DOT1L: variants seen among roughly 807,000 people sequenced by gnomAD.
DOT1L encodes DOT1 like histone lysine methyltransferase.
In DOT1L, 33 loss-of-function variants were observed where a neutral mutation model predicts 153.3. The ratio of observed to expected loss-of-function variants is 0.22; its 90% CI spans 0.16 to 0.29. The LOEUF (loss-of-function observed/expected upper bound fraction) is 0.29. Among genes scored for constraint, DOT1L ranks in the 10% least tolerant of loss-of-function variants. The pLI is 1.00. For missense variants in DOT1L, 1,847 were observed against 2,119.9 expected (o/e 0.87, Z 2.53); for synonymous variants, 1,135 against 965.1 (o/e 1.18, Z -3.26).
In DOT1L at chr19:2,216,434, G is replaced by A; in HGVS notation, c.2077G>A (p.Glu693Lys). ...LEPDASRLHLELDCTKFSLPH... is the reference protein window; with the variant it reads ...LEPDASRLHLKLDCTKFSLPH... ...GCCTGACGCCAGCCGGCTGCACCTGGAGCTGGACTGCACCAAGTTCTCGCT... is the reference window on the plus strand; with the variant it reads ...GCCTGACGCCAGCCGGCTGCACCTGAAGCTGGACTGCACCAAGTTCTCGCT... The change falls in exon 20 of 28, where the codon GAG becomes AAG. Residue 693 changes from glutamate to lysine, a missense_variant. Physicochemically the swap from Glu to Lys is moderately conservative, Grantham distance 56 (BLOSUM62 1). Transcript: ENST00000398665. The A allele has an allele frequency of 6.2e-7, 1 of 1,612,608 alleles. No individual in the cohort carries two copies. The highest frequency in any genetic ancestry group is 1.3e-5 in the African/African-American group (1 of 75,054).
chr19:2,206,501 T>C (rs1221754716), intron 9 of DOT1L, among the ~76,000 whole-genome samples: 1 of 129,254 alleles, frequency 7.7e-6, no homozygotes, highest in African/African-American at 3.0e-5. Flanking sequence ...GAGGTTGCAG[T>C]GAGCCGGGAG....
intron 10 of DOT1L, 55 bp downstream of exon 10, chr19:2,206,852 A>G: frequency 1.9e-6 from 3 of 1,542,792 alleles, no homozygotes; most frequent in Non-Finnish European, 2.7e-6. Context: ...ACCATCTGAC[A>G]CGCAGTATTC....
At position 2,230,316 on chromosome 19, in the gene DOT1L, G is replaced by A. The variant is rs777267164; in HGVS notation, c.*524G>A. 2.4e-6 allele frequency: 1 copy of A among 416,560 alleles called. No individual in the cohort carries two copies. The highest frequency in any genetic ancestry group is 4.2e-6 in the Non-Finnish European group (1 of 237,452). The allele number at this position is 416,560 out of a possible 1,614,324, so 25.8% of individuals were successfully genotyped here. On this transcript the variant is annotated 3_prime_UTR_variant, in exon 28 of 28. Coordinates refer to ENST00000398665, the MANE Select transcript of DOT1L (RefSeq NM_032482.3). ...CAGGCCCGTCGCCACCACATTCCTC[G>A]GAGGCCTCCCCGCGGCCTGAGCCCC...
At chr19:2,176,605 G>C (rs2021949355) in intron 1 of DOT1L, among the ~76,000 whole-genome samples, 1 of 152,164 alleles carries the variant, frequency 6.6e-6, no homozygotes, top group Admixed American at 6.6e-5. Context: ...TTCCAGTAAG[G>C]CCTGCGCCTG....
chr19:2,227,497 AGACAGG>A (rs1350776683), intron 27 of DOT1L: 4 of 529,902 alleles, frequency 7.5e-6, no homozygotes, highest in Non-Finnish European at 1.1e-5. Flanking sequence ...GTGCCTGCCC[AGACAGG>A]GCGGAGAGGA....
chr19:2,164,592 C>G (rs1247793822), intron 1 of DOT1L: 1 of 214,512 alleles, frequency 4.7e-6, no homozygotes. Context: ...GGAAGCCCGC[C>G]CGCCCGCCCC....
chr19:2,216,133 C>A (rs2144864173), intron 19 of DOT1L, 148 bp from the exon 20 acceptor site: 1 of 1,222,328 alleles, frequency 8.2e-7, no homozygotes, highest in Non-Finnish European at 1.1e-6. Flanking sequence ...CCCGACCCCG[C>A]CTCTATGTGG....
chr19:2,225,884 C>T (rs975239142), intron 26 of DOT1L, among the ~76,000 whole-genome samples: 10 of 152,216 alleles, frequency 6.6e-5, no homozygotes, highest in African/African-American at 9.6e-5. Flanking sequence ...GAGCTCATCC[C>T]GCATGGCCTC....
rs185888752 is a variant in DOT1L at position 2,230,315 on chromosome 19, C to T, written c.*523C>T. 511 of 416,268 alleles carry T rather than the reference C, an allele frequency of 1.2e-3. 3 individuals are homozygous for T. Among genetic ancestry groups the T allele is most frequent in the Middle Eastern group, 4.9e-3 (8 of 1,644 alleles). The allele number at this position is 416,268 out of a possible 1,614,324, so 25.8% of individuals were successfully genotyped here. On this transcript the variant is annotated 3_prime_UTR_variant, in exon 28 of 28. Transcript: ENST00000398665. ...GCAGGCCCGTCGCCACCACATTCCT[C>T]GGAGGCCTCCCCGCGGCCTGAGCCC...
chr19:2,227,772 C>T, intron 27 of DOT1L: 3 of 1,320,128 alleles, frequency 2.3e-6, no homozygotes, highest in Non-Finnish European at 3.0e-6. Context: ...CGCCTCTGCT[C>T]ATCCGTTTGG....
At chr19:2,187,638 A>G (rs1413801887) in intron 3 of DOT1L, among the ~76,000 whole-genome samples, 2 of 152,100 alleles carry the variant, frequency 1.3e-5, no homozygotes, top group Non-Finnish European at 1.5e-5. Context: ...GTGGAAACAC[A>G]GGGGCTGGGC....
Position 2,226,928 on chromosome 19 carries a change from G to A in DOT1L, c.4407G>A (p.Pro1469=), listed in dbSNP as rs1313785172. 6.3e-7 allele frequency: 1 copy of A among 1,581,042 alleles called. No individual in the cohort carries two copies. Among genetic ancestry groups the A allele is most frequent in the Non-Finnish European group, 8.5e-7 (1 of 1,172,360 alleles). ...ACCGGTCCTTCCTGGGCCCCTTCCC[G>A]CCGGGACCGCAGTTCGCGCTCGGCC... ...QTHRSFLGPF[P]PGPQFALGPM... is the part of the protein sequence containing the mutation. The change falls in exon 27 of 28, where the codon CCG becomes CCA. Residue 1469 remains proline (P), a synonymous_variant. Coordinates refer to ENST00000398665, the MANE Select transcript of DOT1L (RefSeq NM_032482.3).
At chr19:2,209,586 A>T (rs762674520) in intron 12 of DOT1L, among the ~76,000 whole-genome samples, 25 of 152,132 alleles carry the variant, frequency 1.6e-4, no homozygotes, top group Non-Finnish European at 3.1e-4. Context: ...CTCCTCTCCC[A>T]CCTTAAAGCA....
rs545452591 is a variant in DOT1L, at chr19:2,206,831, G to A, written c.856+34G>A. On this transcript the variant is annotated intron_variant, in intron 10 of 27. Transcript: ENST00000398665. ...CTCTCATGTTGTTAATGATGAACAC[G>A]GGTAATTTTAACCATCTGACACGCA... The A allele has an allele frequency of 2.6e-5, 41 of 1,598,266 alleles. No homozygotes were observed. The highest frequency in any genetic ancestry group is 3.3e-5 in the Non-Finnish European group (38 of 1,166,262).
At chr19:2,179,380 A>G (rs1012237538) in intron 1 of DOT1L, among the ~76,000 whole-genome samples, 2 of 150,968 alleles carry the variant, frequency 1.3e-5, no homozygotes, top group African/African-American at 4.8e-5. Flanking sequence ...AGGCTCGCTG[A>G]GGCTGCACGG....
chr19:2,230,544 C>G lies in DOT1L; in HGVS notation c.*752C>G. ...AACAAGTGCATTTACTTTTGTATTT[C>G]TCGGCTGTCCATGGCTCGCAGCATG... On this transcript the variant is annotated 3_prime_UTR_variant, in exon 28 of 28. Transcript: ENST00000398665. The G allele has an allele frequency of 2.5e-6, 1 of 398,734 alleles. No homozygotes were observed. 24.7% of individuals were successfully genotyped at this position (398,734 alleles called of 1,614,324 possible).
At chr19:2,216,213 G>T in intron 19 of DOT1L, 68 bp from the exon 20 acceptor site, 1 of 1,503,054 alleles carries the variant, frequency 6.7e-7, no homozygotes, top group Non-Finnish European at 8.9e-7. Flanking sequence ...GTGTCCATCT[G>T]TGGCAGTCTT....
chr19:2,209,034 ATGCAAAGCCG>A (rs949959828), intron 12 of DOT1L, 58 bp downstream of exon 12: 14 of 1,581,694 alleles, frequency 8.9e-6, no homozygotes, highest in African/African-American at 1.4e-5. Context: ...ATGTGGGGAA[ATGCAAAGCCG>A]TGCGCAGCCG....
rs778711230 is a variant in DOT1L at position 2,217,148 on chromosome 19, G to T, written c.2544+58G>T. The stretch of plus-strand genomic sequence containing the variant: ...GAGGTGCTCAGCAGAGGCGGCCTGA[G>T]CGAGTTGCTAGCAGGAGGGCTTGTC... On this transcript the variant is annotated intron_variant, in intron 21 of 27. Coordinates refer to ENST00000398665, the MANE Select transcript of DOT1L (RefSeq NM_032482.3). This position sits in a 1 kb window ranked among gnomAD's most constrained non-coding sequence, Gnocchi z 7.3. 4.6e-6 allele frequency: 7 copies of T among 1,506,038 alleles called. No individual in the cohort carries two copies. The highest frequency in any genetic ancestry group is 6.2e-6 in the Non-Finnish European group (7 of 1,129,884). 93.3% of individuals were successfully genotyped at this position (1,506,038 alleles called of 1,614,324 possible).
Sources: allele counts gnomAD v4.1 joint callset (sites outside exome capture counted in the v4.1 genomes callset), GRCh38; gene constraint gnomAD v4.1.1; non-coding constraint Gnocchi (gnomAD v3.1); transcripts MANE v1.5; gene names NCBI Gene and HGNC (gene_info 2026-07-23, HGNC 2026-07-21).